BIRC6: variants seen among roughly 807,000 people sequenced by gnomAD.
BIRC6 encodes baculoviral IAP repeat containing 6.
In BIRC6, 98 loss-of-function variants were observed where a neutral mutation model predicts 503.3. The ratio of observed to expected loss-of-function variants is 0.19; its 90% CI spans 0.17 to 0.23. The LOEUF (loss-of-function observed/expected upper bound fraction) is 0.23. BIRC6 is among the 10% of genes least tolerant of loss of function. BIRC6 has a pLI of 1.00. For missense variants in BIRC6, 5,360 were observed against 5,806.0 expected (o/e 0.92, Z 2.50); for synonymous variants, 2,240 against 2,078.7 (o/e 1.08, Z -2.11).
intron 65 of BIRC6, among the ~76,000 whole-genome samples, chr2:32,562,274 ATTAC>A (rs554972263): frequency 1.0e-3 from 159 of 152,228 alleles, no homozygotes; most frequent in Non-Finnish European, 2.1e-3. Context: ...CATATCTTGT[ATTAC>A]TTGTATTCTT....
At chr2:32,575,752 G>A (rs1444579556) in intron 66 of BIRC6, among the ~76,000 whole-genome samples, 3 of 150,934 alleles carry the variant, frequency 2.0e-5, no homozygotes, top group Non-Finnish European at 2.9e-5. Context: ...GTGACAGAGC[G>A]AGACTCCGTC....
intron 50 of BIRC6, among the ~76,000 whole-genome samples, chr2:32,506,607 G>A (rs1434821560): frequency 6.6e-6 from 1 of 152,200 alleles, no homozygotes; most frequent in African/African-American, 2.4e-5. Flanking sequence ...TTTTCATATG[G>A]GAATTGAAAC....
rs762882158 is a variant in BIRC6 at position 32,448,804 on chromosome 2, A to G, written c.4494A>G (p.Leu1498=). The change falls in exon 22 of 74, where the codon TTA becomes TTG. Residue 1498 remains leucine (L), a synonymous_variant. Coordinates refer to ENST00000421745, the MANE Select transcript of BIRC6 (RefSeq NM_016252.4). ...TTATTTTATTTTTCAGATATGGATTATATAGCTCACCATTTGATCCAGTCC... is the reference window on the plus strand; with the variant it reads ...TTATTTTATTTTTCAGATATGGATTGTATAGCTCACCATTTGATCCAGTCC... ...MEALLQTRYG[L]YSSPFDPVLF... 14 of 1,608,778 alleles carry G rather than the reference A, an allele frequency of 8.7e-6. No homozygotes were observed. Among genetic ancestry groups the G allele is most frequent in the Non-Finnish European group, 1.2e-5 (14 of 1,178,594 alleles).
At position 32,499,523 on chromosome 2, in the gene BIRC6, G is replaced by GTCTCTC. The variant is rs145668508; in HGVS notation, c.8469-10_8469-5dup. The stretch of plus-strand genomic sequence containing the variant: ...TATCTCTCTCTCTCTCTCTTTTTCT[G>GTCTCTC]TCTCTCTCTCTCTCTCTCTGCAGGG... On this transcript the variant is annotated intron_variant, in intron 45 of 73. Coordinates refer to ENST00000421745, the MANE Select transcript of BIRC6 (RefSeq NM_016252.4). The GTCTCTC allele has an allele frequency of 2.9e-6, 4 of 1,380,036 alleles. No homozygotes were observed. The African/African-American group carries it at 4.4e-5, about 15-fold the overall frequency. The allele number at this position is 1,380,036 out of a possible 1,614,324, so 85.5% of individuals were successfully genotyped here. A position where few individuals can be genotyped will look rare whatever the true frequency, so the allele number is the denominator to read the frequency against.
Position 32,357,158 on chromosome 2 carries a change from C to T in BIRC6, c.-4C>T. On this transcript the variant is annotated 5_prime_UTR_variant, in exon 1 of 74. Transcript: ENST00000421745. This position sits in a 1 kb window ranked among gnomAD's most constrained non-coding sequence, Gnocchi z 4.9. ...AACGCGCTCGGCTTGCCCCCTGGCC[C>T]CGGATGGTGACTGGTGGTGGTGCTG... is the stretch of plus-strand genomic sequence containing the variant. 1 of 1,506,408 alleles carries T rather than the reference C, an allele frequency of 6.6e-7. No individual in the cohort carries two copies. The highest frequency in any genetic ancestry group is 8.8e-7 in the Non-Finnish European group (1 of 1,139,798). The allele number at this position is 1,506,408 out of a possible 1,614,324, so 93.3% of individuals were successfully genotyped here.
intron 61 of BIRC6, among the ~76,000 whole-genome samples, chr2:32,533,318 T>C (rs2056932253): frequency 6.6e-6 from 1 of 152,208 alleles, no homozygotes; most frequent in Non-Finnish European, 1.5e-5. Context: ...TTACATGTAA[T>C]GAACATGTAA....
intron 1 of BIRC6, among the ~76,000 whole-genome samples, chr2:32,374,247 T>C (rs2036396989): frequency 6.6e-6 from 1 of 152,156 alleles, no homozygotes; most frequent in Admixed American, 6.5e-5. Context: ...TATATAGTCA[T>C]ATCTCTTGAC....
At chr2:32,589,505 C>G (rs2151319885) in intron 66 of BIRC6, among the ~76,000 whole-genome samples, 1 of 152,220 alleles carries the variant, frequency 6.6e-6, no homozygotes, top group East Asian at 1.9e-4. Flanking sequence ...CAGTTCCAGC[C>G]CTCCTACTTT....
At position 32,525,484 on chromosome 2, in the gene BIRC6, C is replaced by G; in HGVS notation, c.11776C>G (p.Arg3926Gly). The G allele has an allele frequency of 6.2e-7, 1 of 1,613,956 alleles. No homozygotes were observed. The highest frequency in any genetic ancestry group is 8.5e-7 in the Non-Finnish European group (1 of 1,179,868). Residue 3926 changes from arginine to glycine, a missense_variant, in exon 59 of 74, where the codon CGT becomes GGT. By Grantham distance (125) the Arg-to-Gly change is moderately radical. Around this residue, in one of 16 missense-constraint regions of BIRC6, gnomAD observed 878 missense variants for 928.9 expected, o/e 0.95. Transcript: ENST00000421745. ...VASGLKSQSKRAVSATPPRPP... is the reference protein window; with the variant it reads ...VASGLKSQSKGAVSATPPRPP... Reference sequence around the variant, plus strand: ...TTTAGGGCTGAAGTCTCAATCTAAACGTGCTGTGTCAGCTACACCACCTCG... The same window carrying G: ...TTTAGGGCTGAAGTCTCAATCTAAAGGTGCTGTGTCAGCTACACCACCTCG...
rs377322829 is a variant in BIRC6, at chr2:32,513,162, T to G, written c.10568+8T>G. 1 of 1,606,252 alleles carries G rather than the reference T, an allele frequency of 6.2e-7. No individual in the cohort carries two copies. The highest frequency in any genetic ancestry group is 8.5e-7 in the Non-Finnish European group (1 of 1,173,958). ...GGACCAAGAGCTCTTTGAGTAAGTA[T>G]GATTTGTGAAATCTTTTTTATCCCC... On this transcript the variant is annotated splice_region_variant and intron_variant, in intron 54 of 73. Coordinates refer to ENST00000421745, the MANE Select transcript of BIRC6 (RefSeq NM_016252.4).
At chr2:32,464,165 A>G (rs1029600355) in intron 24 of BIRC6, among the ~76,000 whole-genome samples, 5 of 152,230 alleles carry the variant, frequency 3.3e-5, no homozygotes, top group Non-Finnish European at 5.9e-5. Flanking sequence ...TGGCAATTCC[A>G]GGTGACAAAT....
At chr2:32,549,190 A>T (rs2058268988) in intron 64 of BIRC6, 123 bp from the exon 65 acceptor site, 1 of 585,584 alleles carries the variant, frequency 1.7e-6, no homozygotes, top group Non-Finnish European at 2.7e-6. Context: ...TTTAAAACAT[A>T]GTATAAGATA....
chr2:32,583,600 G>A (rs1346272257), intron 66 of BIRC6, among the ~76,000 whole-genome samples: 1 of 152,170 alleles, frequency 6.6e-6, no homozygotes, highest in Non-Finnish European at 1.5e-5. Flanking sequence ...CAAGGTTAGA[G>A]TTAAGTATTC....
At chr2:32,544,450 T>C (rs1046833538) in intron 62 of BIRC6, among the ~76,000 whole-genome samples, 12 of 151,310 alleles carry the variant, frequency 7.9e-5, no homozygotes, top group East Asian at 1.9e-4. Context: ...AAGTAGATTT[T>C]CATTTGGGTG....
intron 44 of BIRC6, among the ~76,000 whole-genome samples, chr2:32,493,148 G>C (rs1401059488): frequency 1.3e-5 from 2 of 150,906 alleles, no homozygotes; most frequent in African/African-American, 2.4e-5. Flanking sequence ...TTACCTCTCT[G>C]CTCCTGAGTT....
intron 61 of BIRC6, among the ~76,000 whole-genome samples, chr2:32,540,003 T>C (rs1475258364): frequency 1.3e-5 from 2 of 152,086 alleles, no homozygotes; most frequent in African/African-American, 4.8e-5. Context: ...GGTACTATTA[T>C]AACCAACTTT....
Position 32,433,671 on chromosome 2 carries a change from A to G in BIRC6, c.3276A>G (p.Glu1092=). 6.3e-7 allele frequency: 1 copy of G among 1,581,028 alleles called. No individual in the cohort carries two copies. The highest frequency in any genetic ancestry group is 8.6e-7 in the Non-Finnish European group (1 of 1,156,802). The stretch of plus-strand genomic sequence containing the variant: ...ACAGCTGGGATGAACATGTATTTGA[A>G]TTAGTACTACCTAAAGCTTGTATGG... ...DSNSWDEHVF[E]LVLPKACMVG... is the part of the protein sequence containing the mutation. The change falls in exon 13 of 74, where the codon GAA becomes GAG. Residue 1092 remains glutamate, a synonymous_variant. Coordinates refer to ENST00000421745, the MANE Select transcript of BIRC6 (RefSeq NM_016252.4).
intron 8 of BIRC6, among the ~76,000 whole-genome samples, chr2:32,403,294 T>C (rs1206715917): frequency 1.3e-5 from 2 of 152,340 alleles, no homozygotes; most frequent in East Asian, 1.9e-4. Flanking sequence ...AAATATACTA[T>C]GTGGGTTTCA....
intron 61 of BIRC6, among the ~76,000 whole-genome samples, chr2:32,534,825 T>C (rs2057086447): frequency 6.7e-6 from 1 of 148,366 alleles, no homozygotes; most frequent in Non-Finnish European, 1.5e-5. Context: ...TGGACTGAAG[T>C]GAAAAATTCT....
Sources: allele counts gnomAD v4.1 joint callset (sites outside exome capture counted in the v4.1 genomes callset), GRCh38; gene constraint gnomAD v4.1.1; regional missense constraint gnomAD v4.1.1; non-coding constraint Gnocchi (gnomAD v3.1); transcripts MANE v1.5; gene names NCBI Gene and HGNC (gene_info 2026-07-23, HGNC 2026-07-21).